The following ASXL2 variants were observed in gnomAD, a reference collection of about 807,000 sequenced individuals.
The protein encoded by ASXL2 is putative Polycomb group protein ASXL2.
ASXL2 carries 23 observed loss-of-function variants against 122.0 expected under a neutral mutation model. The observed-to-expected ratio is 0.19, with a 90% confidence interval of 0.14 to 0.27. ASXL2 has a LOEUF of 0.27. Among genes scored for constraint, ASXL2 ranks in the 10% least tolerant of loss-of-function variants. The pLI is 1.00. For missense variants in ASXL2, 1,518 were observed against 1,713.8 expected, an observed-to-expected ratio of 0.89 and a Z score of 2.02; for synonymous variants, 650 against 637.0, an observed-to-expected ratio of 1.02 and a Z score of -0.31.
intron 11 of ASXL2, among the ~76,000 whole-genome samples, chr2:25,752,895 T>C (rs2088069802): frequency 6.6e-6 from 1 of 150,474 alleles, no homozygotes; most frequent in Non-Finnish European, 1.5e-5. Context: ...TATTCTTCTA[T>C]CTTATAAAGT....
In ASXL2 at chr2:25,878,217, C is replaced by G. The variant is rs2090026502; in HGVS notation, c.6G>C (p.Arg2Ser). The G allele has an allele frequency of 6.2e-7, 1 of 1,613,816 alleles. No individual in the cohort carries two copies. Among genetic ancestry groups the G allele is most frequent in the Non-Finnish European group, 8.5e-7 (1 of 1,179,862 alleles). M[R>S]EKGRRKKGRT... ...TGCCCTTCTTCCTACGTCCCTTTTC[C>G]CTCATGTCGGGTCTTGAACTGACTG... Residue 2 changes from arginine to serine, a missense_variant, in exon 1 of 13, where the codon AGG becomes AGC. Arg to Ser is a moderately radical substitution (Grantham distance 110, BLOSUM62 -1). Around this residue, in one of 8 missense-constraint regions of ASXL2, gnomAD observed 28 missense variants for 42.2 expected, o/e 0.66. Coordinates refer to ENST00000435504, the MANE Select transcript of ASXL2 (RefSeq NM_018263.6).
At chr2:25,851,452 C>A (rs760337742) in intron 1 of ASXL2, among the ~76,000 whole-genome samples, 5 of 152,188 alleles carry the variant, frequency 3.3e-5, no homozygotes, top group Non-Finnish European at 7.3e-5. Context: ...TTTACTGTCA[C>A]ATTTACTACA....
chr2:25,863,763 T>C (rs1380038054), intron 1 of ASXL2, among the ~76,000 whole-genome samples: 3 of 151,866 alleles, frequency 2.0e-5, no homozygotes, highest in East Asian at 3.9e-4. Flanking sequence ...CTCAACACTT[T>C]GGGAGGCCAA....
At chr2:25,803,165 GAAT>G (rs2089025668) in intron 4 of ASXL2, among the ~76,000 whole-genome samples, 1 of 150,840 alleles carries the variant, frequency 6.6e-6, no homozygotes. Context: ...ATGAATGAAT[GAAT>G]GATTTAGCTG....
At chr2:25,793,608 A>G (rs1019449946) in intron 5 of ASXL2, among the ~76,000 whole-genome samples, 2 of 152,236 alleles carry the variant, frequency 1.3e-5, no homozygotes, top group African/African-American at 4.8e-5. Flanking sequence ...AGAACTATAT[A>G]TAGTTGAAGA....
intron 1 of ASXL2, among the ~76,000 whole-genome samples, chr2:25,851,997 T>C (rs1481135037): frequency 6.6e-6 from 1 of 152,216 alleles, no homozygotes; most frequent in African/African-American, 2.4e-5. Flanking sequence ...AAACCCTTTC[T>C]TGGCCACATA....
chr2:25,765,351 T>C (rs2088326780), intron 8 of ASXL2, among the ~76,000 whole-genome samples: 2 of 151,910 alleles, frequency 1.3e-5, no homozygotes, highest in Non-Finnish European at 2.9e-5. Flanking sequence ...CCGGGCGTGG[T>C]GGCGGGCACC....
intron 2 of ASXL2, among the ~76,000 whole-genome samples, chr2:25,839,173 C>T (rs2089548081): frequency 6.6e-6 from 1 of 152,186 alleles, no homozygotes; most frequent in African/African-American, 2.4e-5. Context: ...TTGAAGAGCT[C>T]AACCCTAGGA....
At chr2:25,801,278 T>G (rs577886958) in intron 4 of ASXL2, among the ~76,000 whole-genome samples, 1 of 152,256 alleles carries the variant, frequency 6.6e-6, no homozygotes, top group East Asian at 1.9e-4. Flanking sequence ...GTGGTTCTTT[T>G]TACCTCCAAT....
intron 9 of ASXL2, 36 bp from the exon 10 acceptor site, chr2:25,756,150 G>T: frequency 7.3e-7 from 1 of 1,368,130 alleles, no homozygotes; most frequent in Non-Finnish European, 1.0e-6. Context: ...AGCTTACAAA[G>T]AAAGTGAAAG....
intron 3 of ASXL2, among the ~76,000 whole-genome samples, chr2:25,806,660 A>T (rs2089086906): frequency 1.3e-5 from 2 of 152,238 alleles, no homozygotes; most frequent in Admixed American, 1.3e-4. Context: ...GTCCAGAGGT[A>T]AAATGAGAAA....
chr2:25,823,388 T>C (rs1011077992), intron 3 of ASXL2, among the ~76,000 whole-genome samples: 2 of 152,230 alleles, frequency 1.3e-5, no homozygotes, highest in Admixed American at 6.5e-5. Context: ...GGCTGACACC[T>C]TACTGGTAAC....
rs748322222 is a variant in ASXL2, at chr2:25,750,411, G to A, written c.1145C>T (p.Ser382Phe). 3.2e-6 allele frequency: 5 copies of A among 1,574,512 alleles called. No individual in the cohort carries two copies. The highest frequency in any genetic ancestry group is 4.3e-6 in the Non-Finnish European group (5 of 1,166,996). The change falls in exon 12 of 13, where the codon TCT becomes TTT. Residue 382 changes from serine (S) to phenylalanine (F), a missense_variant and splice_region_variant. By Grantham distance (155) the Ser-to-Phe change is radical. Around this residue, in one of 8 missense-constraint regions of ASXL2, gnomAD observed 92 missense variants for 156.6 expected, o/e 0.59. Coordinates refer to ENST00000435504, the MANE Select transcript of ASXL2 (RefSeq NM_018263.6). Reference sequence around the variant, plus strand: ...CTTAGAATCTTCAAGGCTCAGGCCAGAACTAAAAAGGGGAAAAAAGAAATA... The same window carrying A: ...CTTAGAATCTTCAAGGCTCAGGCCAAAACTAAAAAGGGGAAAAAAGAAATA... ...QFFESYYGQS[S>F]GLSLEDSKKL...
At position 25,749,904 on chromosome 2, in the gene ASXL2, A is replaced by G. The variant is rs1183886814; in HGVS notation, c.1652T>C (p.Met551Thr). 1.2e-6 allele frequency: 2 copies of G among 1,612,560 alleles called. No homozygotes were observed. Among genetic ancestry groups the G allele is most frequent in the East Asian group, 2.2e-5 (1 of 44,872 alleles). Reference protein sequence around the residue: ...TAGAGPQETNMKEPLATLVDQ... With the variant: ...TAGAGPQETNTKEPLATLVDQ... ...AACAAGAGTTGCTAGAGGTTCTTTC[A>G]TATTAGTCTCCTGTGGACCCGCTCC... Residue 551 changes from methionine to threonine, a missense_variant, in exon 12 of 13, where the codon ATG (methionine) becomes ACG (threonine). Met to Thr is a moderately conservative substitution (Grantham distance 81). Transcript: ENST00000435504.
intron 4 of ASXL2, among the ~76,000 whole-genome samples, chr2:25,805,127 C>G (rs1469315039): frequency 6.6e-6 from 1 of 152,188 alleles, no homozygotes; most frequent in Admixed American, 6.5e-5. Flanking sequence ...TCAGTCAGAT[C>G]TGGGTTCCTA....
intron 3 of ASXL2, among the ~76,000 whole-genome samples, chr2:25,809,071 A>C (rs1301395862): frequency 6.6e-6 from 1 of 152,232 alleles, no homozygotes; most frequent in Non-Finnish European, 1.5e-5. Context: ...ATGAGATAGC[A>C]CTTTTAGAGA....
At chr2:25,844,289 A>C (rs1343274186) in intron 2 of ASXL2, among the ~76,000 whole-genome samples, 1 of 152,186 alleles carries the variant, frequency 6.6e-6, no homozygotes, top group Non-Finnish European at 1.5e-5. Flanking sequence ...GATTAAGAAC[A>C]CTGACTATTG....
intron 4 of ASXL2, among the ~76,000 whole-genome samples, chr2:25,800,953 G>A (rs537560353): frequency 1.4e-4 from 21 of 152,210 alleles, no homozygotes; most frequent in East Asian, 5.8e-4. Flanking sequence ...GGGAGACAGG[G>A]TCTCACTCTG....
At chr2:25,822,920 C>T (rs1267457072) in intron 3 of ASXL2, 13 of 529,876 alleles carry the variant, frequency 2.5e-5, no homozygotes, top group South Asian at 2.9e-5. Flanking sequence ...CACAAGACAG[C>T]GATGATGAAA....
Sources: allele counts gnomAD v4.1 joint callset (sites outside exome capture counted in the v4.1 genomes callset), GRCh38; gene constraint gnomAD v4.1.1; regional missense constraint gnomAD v4.1.1; transcripts MANE v1.5; gene names NCBI Gene and HGNC (gene_info 2026-07-23, HGNC 2026-07-21).